SCHIP1: variants seen among roughly 807,000 people sequenced by gnomAD.
SCHIP1 encodes the protein schwannomin-interacting protein 1.
A neutral mutation model predicts 29.7 loss-of-function variants in SCHIP1; 8 were observed. That is an observed-to-expected ratio of 0.27 (90% CI 0.16 to 0.49). The LOEUF (loss-of-function observed/expected upper bound fraction) is 0.49, where lower values mean the gene tolerates loss of function less well. SCHIP1 is among the 20% of genes least tolerant of loss of function. The pLI is 0.99. For missense variants in SCHIP1, 193 were observed against 294.6 expected, an observed-to-expected ratio of 0.66 and a Z score of 2.52; for synonymous variants, 76 against 94.9, an observed-to-expected ratio of 0.80 and a Z score of 1.16.
At chr3:159,634,476 GC>G in the SCHIP1 span, among the ~76,000 whole-genome samples, 1 of 152,094 alleles carries the variant, frequency 6.6e-6, no homozygotes, top group Non-Finnish European at 1.5e-5. Context: ...ACAGTTAGAG[GC>G]CCACCTCTCA....
At chr3:159,285,791 A>C in the SCHIP1 span, among the ~76,000 whole-genome samples, 1 of 152,172 alleles carries the variant, frequency 6.6e-6, no homozygotes, top group African/African-American at 2.4e-5. Context: ...CACTCATTCA[A>C]TAAACATTTG....
intron 1 of SCHIP1, among the ~76,000 whole-genome samples, chr3:159,843,602 C>T (rs1055408264): frequency 6.6e-5 from 10 of 151,842 alleles, no homozygotes; most frequent in African/African-American, 9.7e-5. Flanking sequence ...CTGCGGATCA[C>T]GAGGTCAGGA....
chr3:159,716,654 A>G, the SCHIP1 span, among the ~76,000 whole-genome samples: 101 of 152,204 alleles, frequency 6.6e-4, no homozygotes, highest in Non-Finnish European at 1.1e-3. Context: ...GCCATTACAT[A>G]ATGGTAAAGG....
At chr3:159,765,838 T>C in the SCHIP1 span, 1 of 152,220 alleles carries the variant, frequency 6.6e-6, no homozygotes, top group Non-Finnish European at 1.5e-5. Context: ...CCCTCCTTGT[T>C]TTGATAACGG....
chr3:159,814,483 A>G, the SCHIP1 span, among the ~76,000 whole-genome samples: 7 of 152,242 alleles, frequency 4.6e-5, no homozygotes, highest in Non-Finnish European at 8.8e-5. Context: ...TCTCGCGGGT[A>G]TAGCAGAGAG....
chr3:159,649,854 T>G, the SCHIP1 span, among the ~76,000 whole-genome samples: 1 of 152,122 alleles, frequency 6.6e-6, no homozygotes. Context: ...AGGACCAAAG[T>G]GGAGGGGGAT....
At chr3:159,419,105 C>T in the SCHIP1 span, among the ~76,000 whole-genome samples, 1 of 152,192 alleles carries the variant, frequency 6.6e-6, no homozygotes, top group Non-Finnish European at 1.5e-5. Flanking sequence ...ACTCACATCT[C>T]AGGAATGAGG....
At chr3:159,579,359 A>T in the SCHIP1 span, among the ~76,000 whole-genome samples, 1 of 152,242 alleles carries the variant, frequency 6.6e-6, no homozygotes, top group Non-Finnish European at 1.5e-5. Context: ...TGGGCAGAAG[A>T]GTCAAAATCT....
At chr3:159,509,578 T>C in the SCHIP1 span, among the ~76,000 whole-genome samples, 1 of 152,206 alleles carries the variant, frequency 6.6e-6, no homozygotes, top group Non-Finnish European at 1.5e-5. Flanking sequence ...GTCTTTACAA[T>C]TTGGCATGTT....
At chr3:159,734,618 G>C in the SCHIP1 span, among the ~76,000 whole-genome samples, 15,824 of 151,992 alleles carry the variant, frequency 0.1, 2,684 homozygotes, top group African/African-American at 0.36. Flanking sequence ...GAGCAGATCT[G>C]AGTTAAATTT....
chr3:159,860,817 C>T (rs1713979868), intron 1 of SCHIP1, among the ~76,000 whole-genome samples: 2 of 152,186 alleles, frequency 1.3e-5, no homozygotes, highest in Non-Finnish European at 1.5e-5. Context: ...GTGCCTTTCT[C>T]ATCTACTGGA....
chr3:159,432,353 A>T, the SCHIP1 span, among the ~76,000 whole-genome samples: 11 of 144,616 alleles, frequency 7.6e-5, no homozygotes, highest in Non-Finnish European at 1.6e-4. Context: ...AGAGAGAGAG[A>T]GAGAGAGAGG....
chr3:159,304,648 G>A, the SCHIP1 span, among the ~76,000 whole-genome samples: 1 of 152,144 alleles, frequency 6.6e-6, no homozygotes, highest in Non-Finnish European at 1.5e-5. Context: ...GAAGCAAAAA[G>A]TGTTTCCTCG....
the SCHIP1 span, among the ~76,000 whole-genome samples, chr3:159,549,617 C>T: frequency 1.3e-5 from 2 of 152,130 alleles, no homozygotes; most frequent in African/African-American, 4.8e-5. Context: ...AGATGCCAAC[C>T]CTTCTTACAC....
At chr3:159,425,355 A>G in the SCHIP1 span, among the ~76,000 whole-genome samples, 1 of 149,858 alleles carries the variant, frequency 6.7e-6, no homozygotes, top group East Asian at 1.9e-4. Flanking sequence ...AGATCTACCA[A>G]GCAAATGGAA....
the SCHIP1 span, among the ~76,000 whole-genome samples, chr3:159,831,429 C>G: frequency 1.3e-5 from 2 of 152,090 alleles, no homozygotes; most frequent in Non-Finnish European, 2.9e-5. Context: ...TCGGAGGATG[C>G]CTGAAACCGT....
At chr3:159,586,138 A>G in the SCHIP1 span, among the ~76,000 whole-genome samples, 1 of 152,150 alleles carries the variant, frequency 6.6e-6, no homozygotes, top group Non-Finnish European at 1.5e-5. Context: ...TTGGAAAAAA[A>G]AAAATGTGTA....
the SCHIP1 span, among the ~76,000 whole-genome samples, chr3:159,609,891 C>G: frequency 6.6e-6 from 1 of 151,862 alleles, no homozygotes; most frequent in South Asian, 2.1e-4. Flanking sequence ...AGGGAAATGA[C>G]CTAATCAGAC....
At chr3:159,381,022 T>C in the SCHIP1 span, among the ~76,000 whole-genome samples, 29 of 152,354 alleles carry the variant, frequency 1.9e-4, no homozygotes, top group Admixed American at 1.6e-3. Context: ...CACCTTCATG[T>C]GGGCAAATTT....
Sources: gnomAD v4.1 joint callset for allele counts (sites outside exome capture counted in the v4.1 genomes callset) on GRCh38, gnomAD v4.1.1 for gene constraint, MANE v1.5 for transcripts, NCBI Gene and HGNC (gene_info 2026-07-23, HGNC 2026-07-21) for gene names.